Variants in INSL6 observed in about 807,000 individuals in gnomAD.
INSL6 encodes the protein insulin like 6.
INSL6 carries 16 observed loss-of-function variants against 9.4 expected under a neutral mutation model. That is an observed-to-expected ratio of 1.70 (90% confidence interval 1.15 to 2.59). INSL6 has a LOEUF of 2.59. Ranked by LOEUF, INSL6 falls within the 30% of genes most tolerant of loss-of-function variation. INSL6 has a pLI of 0.00. For missense variants in INSL6, 391 were observed against 257.3 expected (o/e 1.52, Z -3.56); for synonymous variants, 154 against 96.9 (o/e 1.59, Z -3.46).
chr9:5,056,569 G>A, the INSL6 span, among the ~76,000 whole-genome samples: 1 of 152,044 alleles, frequency 6.6e-6, no homozygotes, highest in African/African-American at 2.4e-5. Context: ...AAATATGATA[G>A]TACACCTACT....
chr9:5,070,196 GCCAA>G, the INSL6 span: 1 of 483,830 alleles, frequency 2.1e-6, no homozygotes, highest in Admixed American at 4.3e-5. Flanking sequence ...TGAAAAATAT[GCCAA>G]CCTTGTGTTA....
chr9:5,079,537 T>C, the INSL6 span, among the ~76,000 whole-genome samples: 1 of 152,212 alleles, frequency 6.6e-6, no homozygotes, highest in South Asian at 2.1e-4. Flanking sequence ...GCCATGGCTA[T>C]TAAATCATTA....
At chr9:5,165,389 C>T (rs1344803895) in intron 1 of INSL6, among the ~76,000 whole-genome samples, 1 of 152,060 alleles carries the variant, frequency 6.6e-6, no homozygotes, top group Non-Finnish European at 1.5e-5. Flanking sequence ...TTTTTCAATC[C>T]CAGCATCGGT....
chr9:5,068,404 C>G, the INSL6 span, among the ~76,000 whole-genome samples: 2 of 152,054 alleles, frequency 1.3e-5, no homozygotes, highest in African/African-American at 4.8e-5. Flanking sequence ...AATGGTGGTG[C>G]AGTGGAATGG....
chr9:5,114,019 C>A, the INSL6 span: 2 of 310,636 alleles, frequency 6.4e-6, no homozygotes, highest in South Asian at 6.3e-5. Flanking sequence ...GTGAACTGGT[C>A]CATCGCCTCT....
At chr9:5,133,186 G>A (rs1824324320) in intron 3 of INSL6, among the ~76,000 whole-genome samples, 1 of 150,494 alleles carries the variant, frequency 6.6e-6, no homozygotes, top group African/African-American at 2.5e-5. Flanking sequence ...AGGAAATTAG[G>A]GAAAGATGTC....
Position 5,153,081 on chromosome 9 carries a change from G to C in INSL6, c.376+11098C>G, listed in dbSNP as rs1372711198. Among the ~76,000 whole-genome samples, 68 of 151,892 alleles carry C rather than the reference G, an allele frequency of 4.5e-4. 1 individual carries two copies. Among genetic ancestry groups the C allele is most frequent in the Admixed American group, 4.5e-3 (68 of 15,270 alleles). On this transcript the variant is annotated intron_variant, in intron 2 of 3. Coordinates refer to the INSL6 transcript ENST00000649639. ...TTCCTTCCAGTGCCTACACCACCAGGGCCCAGGGTTTCCAGCACAAAACTG... is the reference window on the plus strand; with the variant it reads ...TTCCTTCCAGTGCCTACACCACCAGCGCCCAGGGTTTCCAGCACAAAACTG...
chr9:5,030,577 A>C, the INSL6 span, among the ~76,000 whole-genome samples: 1 of 152,132 alleles, frequency 6.6e-6, no homozygotes, highest in Non-Finnish European at 1.5e-5. Context: ...ATATTACTCA[A>C]ATTTATTCAT....
the INSL6 span, among the ~76,000 whole-genome samples, chr9:5,061,621 G>A: frequency 1.3e-5 from 2 of 152,240 alleles, no homozygotes; most frequent in Non-Finnish European, 2.9e-5. Context: ...TTAAGGGAAT[G>A]TTATGGCTGG....
the INSL6 span, among the ~76,000 whole-genome samples, chr9:5,043,141 G>C: frequency 6.6e-6 from 1 of 152,234 alleles, no homozygotes; most frequent in Admixed American, 6.5e-5. Context: ...GCAGGTGTAT[G>C]TGCAGGGGGG....
the INSL6 span, chr9:5,086,050 C>G: frequency 5.4e-6 from 4 of 740,130 alleles, 1 homozygote; most frequent in South Asian, 2.8e-5. Flanking sequence ...AAATGCTTCA[C>G]AAGATTAAAA....
the INSL6 span, among the ~76,000 whole-genome samples, chr9:5,042,396 C>G: frequency 6.6e-6 from 1 of 152,120 alleles, no homozygotes; most frequent in Non-Finnish European, 1.5e-5. Context: ...CTCGGCCTCC[C>G]AAAGTGCTGG....
At chr9:5,068,970 G>T in the INSL6 span, 1 of 1,005,382 alleles carries the variant, frequency 9.9e-7, no homozygotes, top group South Asian at 1.7e-5. Flanking sequence ...AATAATCACT[G>T]TGATGTCCAT....
chr9:5,002,911 C>A, the INSL6 span, among the ~76,000 whole-genome samples: 1 of 151,520 alleles, frequency 6.6e-6, no homozygotes, highest in South Asian at 2.1e-4. Flanking sequence ...ATTTGTGTAC[C>A]GTATGAAGTA....
chr9:5,068,208 A>T, the INSL6 span, among the ~76,000 whole-genome samples: 13 of 152,096 alleles, frequency 8.5e-5, no homozygotes, highest in Admixed American at 7.9e-4. Context: ...GTTATTTGGC[A>T]TAGGAAGAAC....
At chr9:5,011,364 T>A in the INSL6 span, among the ~76,000 whole-genome samples, 100 of 151,926 alleles carry the variant, frequency 6.6e-4, no homozygotes, top group East Asian at 1.4e-3. Context: ...TAAAAAAAAA[T>A]TTTTTTGTAG....
intron 3 of INSL6, chr9:5,126,421 C>T: frequency 6.2e-7 from 1 of 1,608,724 alleles, no homozygotes; most frequent in Non-Finnish European, 8.5e-7. Flanking sequence ...GGAAGATTAC[C>T]AAGACCAGAT....
At chr9:5,078,649 G>A in the INSL6 span, among the ~76,000 whole-genome samples, 1 of 152,038 alleles carries the variant, frequency 6.6e-6, no homozygotes, top group Admixed American at 6.5e-5. Context: ...TGGACTGTGA[G>A]GTGATTTTTT....
At chr9:5,148,317 C>T (rs1427335353) in intron 2 of INSL6, among the ~76,000 whole-genome samples, 5 of 152,104 alleles carry the variant, frequency 3.3e-5, no homozygotes, top group Admixed American at 6.6e-5. Context: ...GTTATAGTTT[C>T]GGCTGTGATC....
Sources: allele counts gnomAD v4.1 joint callset (sites outside exome capture counted in the v4.1 genomes callset), GRCh38; gene constraint gnomAD v4.1.1; transcripts MANE v1.5; gene names NCBI Gene and HGNC (gene_info 2026-07-23, HGNC 2026-07-21).